MAP2K5: variants seen among roughly 807,000 people sequenced by gnomAD.
The protein encoded by MAP2K5 is mitogen-activated protein kinase kinase 5.
MAP2K5 carries 49 observed loss-of-function variants against 83.1 expected under a neutral mutation model. The ratio of observed to expected loss-of-function variants is 0.59; its 90% CI spans 0.47 to 0.75. The LOEUF (loss-of-function observed/expected upper bound fraction) is 0.75, where lower values mean the gene tolerates loss of function less well. MAP2K5 is among the 30% of genes least tolerant of loss of function. The probability of loss-of-function intolerance (pLI) is 0.00; values close to 1 mark genes in which losing one functional copy is unlikely to be tolerated. For missense variants in MAP2K5, 457 were observed against 557.5 expected, an observed-to-expected ratio of 0.82 and a Z score of 1.82; for synonymous variants, 202 against 191.8, an observed-to-expected ratio of 1.05 and a Z score of -0.44.
rs1328965211 is a variant in MAP2K5 at position 67,698,692 on chromosome 15, A to G, written c.973-4645A>G. ...GATCAGAAAGTCAATCTAAATAACCATTCTTATCTCTAGAACATTTTTTTC... is the reference window on the plus strand; with the variant it reads ...GATCAGAAAGTCAATCTAAATAACCGTTCTTATCTCTAGAACATTTTTTTC... On this transcript the variant is annotated intron_variant, in intron 15 of 21. Transcript: ENST00000178640. This position sits in a 1 kb window ranked among gnomAD's most constrained non-coding sequence, Gnocchi z 4.5. Among the ~76,000 whole-genome samples, 2 of 152,210 alleles carry G rather than the reference A, an allele frequency of 1.3e-5. No individual in the cohort carries two copies. Among genetic ancestry groups the G allele is most frequent in the African/African-American group, 2.4e-5 (1 of 41,462 alleles).
intron 15 of MAP2K5, among the ~76,000 whole-genome samples, chr15:67,693,803 G>A (rs1472456817): frequency 1.3e-5 from 2 of 152,090 alleles, no homozygotes; most frequent in Admixed American, 6.5e-5. Context: ...GTGTGAAATC[G>A]CTGAGTTTCG....
At chr15:67,547,246 CTG>C (rs1489577570) in intron 1 of MAP2K5, among the ~76,000 whole-genome samples, 3 of 152,034 alleles carry the variant, frequency 2.0e-5, no homozygotes, top group Non-Finnish European at 2.9e-5. Context: ...GTCTTTATCT[CTG>C]TAACCAGTTT....
At chr15:67,732,790 C>T (rs1329936243) in intron 17 of MAP2K5, among the ~76,000 whole-genome samples, 2 of 152,082 alleles carry the variant, frequency 1.3e-5, no homozygotes, top group African/African-American at 2.4e-5. Flanking sequence ...CTGTAGTGAT[C>T]GTACTTCCGG....
chr15:67,590,499 C>A (rs1026379022), intron 6 of MAP2K5, among the ~76,000 whole-genome samples: 1 of 112,244 alleles, frequency 8.9e-6, no homozygotes, highest in Non-Finnish European at 1.8e-5. Context: ...GAGACAGGGT[C>A]TCATTGCTGT....
rs2086600460 is a variant in MAP2K5, at chr15:67,636,232, C to T, written c.585+5305C>T. Reference sequence around the variant, plus strand: ...TCGAGACCATCCTAACACGGTGAAACCCCATTTCTACTAAAAATACAAAAA... The same window carrying T: ...TCGAGACCATCCTAACACGGTGAAATCCCATTTCTACTAAAAATACAAAAA... On this transcript the variant is annotated intron_variant, in intron 9 of 21. Transcript: ENST00000178640. The surrounding 1 kb of genome is among the most constrained non-coding windows in gnomAD (Gnocchi z 4.7). Among the ~76,000 whole-genome samples, 1 of 152,098 alleles carries T rather than the reference C, an allele frequency of 6.6e-6. No individual in the cohort carries two copies. Among genetic ancestry groups the T allele is most frequent in the Non-Finnish European group, 1.5e-5 (1 of 68,020 alleles).
intron 13 of MAP2K5, among the ~76,000 whole-genome samples, chr15:67,673,883 C>G (rs373138718): frequency 1.3e-5 from 2 of 152,092 alleles, no homozygotes; most frequent in African/African-American, 2.4e-5. Flanking sequence ...GAGTCTCACT[C>G]TGCCGCCCAG....
chr15:67,792,770 A>C (rs1274369307), intron 21 of MAP2K5, among the ~76,000 whole-genome samples: 4 of 152,242 alleles, frequency 2.6e-5, no homozygotes, highest in African/African-American at 7.2e-5. Context: ...CATAAATCTT[A>C]AAAGTAATCA....
chr15:67,570,824 A>T (rs564286628), intron 3 of MAP2K5, among the ~76,000 whole-genome samples: 1 of 152,350 alleles, frequency 6.6e-6, no homozygotes, highest in South Asian at 2.1e-4. Flanking sequence ...ATAATAGGGT[A>T]TGCTTGCAGT....
At chr15:67,628,459 G>T in intron 8 of MAP2K5, 1 of 572,428 alleles carries the variant, frequency 1.7e-6, no homozygotes, top group South Asian at 2.2e-5. Flanking sequence ...CAGCCTGGGC[G>T]ACAGAGCGAG....
At position 67,573,879 on chromosome 15, in the gene MAP2K5, G is replaced by A. The variant is rs1029598736; in HGVS notation, c.253-6875G>A. On this transcript the variant is annotated intron_variant, in intron 3 of 21. Coordinates refer to ENST00000178640, the MANE Select transcript of MAP2K5 (RefSeq NM_145160.3). The surrounding 1 kb of genome is among the most constrained non-coding windows in gnomAD (Gnocchi z 4.2). ...TGTGTCACCAGCCTTGTAGTGCAGC[G>A]CATCTCCTCCATATGGTTTTTTGCT... is the stretch of plus-strand genomic sequence containing the variant. 9.2e-5 allele frequency among the ~76,000 whole-genome samples: 14 copies of A among 152,266 alleles called. No homozygotes were observed. Among genetic ancestry groups the A allele is most frequent in the South Asian group, 2.1e-4 (1 of 4,812 alleles).
chr15:67,643,917 T>C (rs1011184778), intron 9 of MAP2K5, among the ~76,000 whole-genome samples: 3 of 152,260 alleles, frequency 2.0e-5, no homozygotes, highest in African/African-American at 7.2e-5. Context: ...TTCTTCAGTA[T>C]GATTGTATAT....
chr15:67,792,721 T>C (rs555251872), intron 21 of MAP2K5, among the ~76,000 whole-genome samples: 33 of 152,360 alleles, frequency 2.2e-4, no homozygotes, highest in African/African-American at 7.5e-4. Flanking sequence ...GTTGTAAATC[T>C]GCTCTGTGAG....
chr15:67,598,604 T>G (rs1055806905), intron 7 of MAP2K5, among the ~76,000 whole-genome samples: 2 of 152,190 alleles, frequency 1.3e-5, no homozygotes, highest in African/African-American at 4.8e-5. Flanking sequence ...GAATGTGGAT[T>G]GGGTAGCTTC....
At chr15:67,597,405 C>T (rs930755087) in intron 7 of MAP2K5, among the ~76,000 whole-genome samples, 2 of 152,190 alleles carry the variant, frequency 1.3e-5, no homozygotes, top group Non-Finnish European at 2.9e-5. Flanking sequence ...ATACCGGAGA[C>T]AAACTGCTGA....
intron 7 of MAP2K5, among the ~76,000 whole-genome samples, chr15:67,598,103 G>A (rs1027794293): frequency 4.1e-4 from 63 of 151,970 alleles, no homozygotes; most frequent in Admixed American, 3.9e-4. Context: ...TGCTCGGGAG[G>A]CTGAGGCAGG....
chr15:67,704,695 A>G (rs938809741), intron 16 of MAP2K5, among the ~76,000 whole-genome samples: 1 of 152,260 alleles, frequency 6.6e-6, no homozygotes, highest in African/African-American at 2.4e-5. Flanking sequence ...AATGGTGGTC[A>G]GATCTCAGAA....
chr15:67,805,978 C>T (rs907136678), intron 21 of MAP2K5, among the ~76,000 whole-genome samples: 1 of 152,152 alleles, frequency 6.6e-6, no homozygotes, highest in African/African-American at 2.4e-5. Context: ...TCTGGTCTGC[C>T]TGTGTGATAA....
Position 67,782,695 on chromosome 15 carries a change from A to G in MAP2K5, c.1242+9943A>G, listed in dbSNP as rs568621744. Among the ~76,000 whole-genome samples the G allele has an allele frequency of 1.3e-5, 2 of 152,310 alleles. No homozygotes were observed. Among genetic ancestry groups the G allele is most frequent in the African/African-American group, 2.4e-5 (1 of 41,566 alleles). ...CCAGTTTCTAATTTTTAAATTAAAC[A>G]TGACTTTTTTTTTAAGCCACAGCTT... is the stretch of plus-strand genomic sequence containing the variant. On this transcript the variant is annotated intron_variant, in intron 21 of 21. Transcript: ENST00000178640. The surrounding 1 kb of genome is among the most constrained non-coding windows in gnomAD (Gnocchi z 4.9).
intron 12 of MAP2K5, among the ~76,000 whole-genome samples, chr15:67,662,469 C>G (rs2087260339): frequency 6.6e-6 from 1 of 152,140 alleles, no homozygotes; most frequent in Admixed American, 6.6e-5. Flanking sequence ...GTAAATCTTA[C>G]AGTAAATTTT....
Sources: gnomAD v4.1 joint callset for allele counts (sites outside exome capture counted in the v4.1 genomes callset) on GRCh38, gnomAD v4.1.1 for gene constraint, Gnocchi (gnomAD v3.1) non-coding constraint, MANE v1.5 for transcripts, NCBI Gene and HGNC (gene_info 2026-07-23, HGNC 2026-07-21) for gene names.